Variants in CHCHD6 observed in about 807,000 individuals in gnomAD.
The protein encoded by CHCHD6 is MICOS complex subunit MIC25.
Under a neutral mutation model 32.3 loss-of-function variants are expected in CHCHD6, and 28 were observed. The ratio of observed to expected loss-of-function variants is 0.87; its 90% CI spans 0.64 to 1.19. The LOEUF (loss-of-function observed/expected upper bound fraction) is 1.19, where lower values mean the gene tolerates loss of function less well. Ranked by LOEUF, CHCHD6 falls within the 50% of genes most tolerant of loss-of-function variation. The pLI is 0.00. For missense variants in CHCHD6, 333 were observed against 307.0 expected (o/e 1.08, Z -0.63); for synonymous variants, 122 against 117.5 (o/e 1.04, Z -0.25).
At chr3:126,873,612 C>T (rs1310225660) in intron 5 of CHCHD6, among the ~76,000 whole-genome samples, 1 of 152,206 alleles carries the variant, frequency 6.6e-6, no homozygotes, top group African/African-American at 2.4e-5. Flanking sequence ...GTGATAAGAA[C>T]TTCTGCAGCT....
chr3:126,769,900 T>C (rs1275236090), intron 4 of CHCHD6, among the ~76,000 whole-genome samples: 1 of 152,230 alleles, frequency 6.6e-6, no homozygotes, highest in Non-Finnish European at 1.5e-5. Flanking sequence ...AGGAATAGCA[T>C]TGAATCTGTA....
At chr3:126,729,266 A>G (rs530199516) in intron 2 of CHCHD6, among the ~76,000 whole-genome samples, 3 of 152,326 alleles carry the variant, frequency 2.0e-5, no homozygotes, top group Non-Finnish European at 2.9e-5. Flanking sequence ...GTTCTTAAAG[A>G]TCTTTAAGAA....
chr3:126,914,563 C>A (rs537655658), intron 5 of CHCHD6, 117 bp from the exon 6 acceptor site: 26 of 709,750 alleles, frequency 3.7e-5, no homozygotes, highest in Non-Finnish European at 5.4e-5. Flanking sequence ...AATTACCAGT[C>A]GGCTTTGATG....
At chr3:126,766,396 C>T (rs1937371455) in intron 4 of CHCHD6, 3 of 535,620 alleles carry the variant, frequency 5.6e-6, no homozygotes, top group Admixed American at 2.7e-5. Flanking sequence ...GTGACAGCTG[C>T]CACGAGAGGT....
chr3:126,804,157 G>C (rs1939233501), intron 4 of CHCHD6, among the ~76,000 whole-genome samples: 1 of 152,026 alleles, frequency 6.6e-6, no homozygotes, highest in African/African-American at 2.4e-5. Flanking sequence ...AAAAGAACTA[G>C]AAAAGCAAGA....
chr3:126,911,129 C>T (rs1016225229), intron 5 of CHCHD6, among the ~76,000 whole-genome samples: 1 of 152,362 alleles, frequency 6.6e-6, no homozygotes, highest in South Asian at 2.1e-4. Context: ...CCCATGGTTT[C>T]TGCCAGGCTG....
intron 5 of CHCHD6, among the ~76,000 whole-genome samples, chr3:126,911,788 A>G (rs768220263): frequency 5.9e-5 from 9 of 152,330 alleles, no homozygotes; most frequent in East Asian, 1.9e-4. Flanking sequence ...CTGAGTGTCT[A>G]CTGAAGCCCA....
chr3:126,706,055 G>C (rs1934473327), intron 1 of CHCHD6, among the ~76,000 whole-genome samples: 1 of 152,168 alleles, frequency 6.6e-6, no homozygotes, highest in South Asian at 2.1e-4. Flanking sequence ...GGCCGAGAGG[G>C]AGGAACCTGA....
intron 4 of CHCHD6, among the ~76,000 whole-genome samples, chr3:126,750,484 A>G (rs1936681489): frequency 6.6e-6 from 1 of 152,256 alleles, no homozygotes; most frequent in Non-Finnish European, 1.5e-5. Flanking sequence ...ACAGAATCGG[A>G]GAGAAGTGCT....
chr3:126,761,348 C>G (rs961532747), intron 4 of CHCHD6, among the ~76,000 whole-genome samples: 1 of 152,200 alleles, frequency 6.6e-6, no homozygotes, highest in Non-Finnish European at 1.5e-5. Context: ...CTGTGTCTGT[C>G]TCTGTGTCCA....
intron 5 of CHCHD6, among the ~76,000 whole-genome samples, chr3:126,873,143 T>G (rs2077498445): frequency 1.3e-5 from 2 of 152,176 alleles, no homozygotes; most frequent in South Asian, 4.1e-4. Context: ...TGCAAAGTGT[T>G]TTCAGATATT....
chr3:126,792,262 TATAGA>T (rs1938585973), intron 4 of CHCHD6, among the ~76,000 whole-genome samples: 1 of 141,128 alleles, frequency 7.1e-6, no homozygotes, highest in Non-Finnish European at 1.5e-5. Context: ...TATATTCTAA[TATAGA>T]ATATATTAGA....
intron 4 of CHCHD6, among the ~76,000 whole-genome samples, chr3:126,756,740 A>G (rs1460530598): frequency 6.6e-6 from 1 of 152,198 alleles, no homozygotes; most frequent in Non-Finnish European, 1.5e-5. Context: ...TCTGTGCACC[A>G]TGCTCTGTTC....
intron 5 of CHCHD6, among the ~76,000 whole-genome samples, chr3:126,862,211 T>C (rs1368574121): frequency 1.3e-3 from 46 of 35,660 alleles, no homozygotes; most frequent in East Asian, 1.9e-3. Context: ...TCCTCCACCA[T>C]CATCACCACC....
intron 4 of CHCHD6, 37 bp from the exon 5 acceptor site, chr3:126,852,610 C>T (rs779400605): frequency 1.3e-6 from 2 of 1,515,194 alleles, no homozygotes; most frequent in Admixed American, 3.3e-5. Flanking sequence ...AGCACCATCG[C>T]TGCTGGCTAA....
At chr3:126,719,735 T>C (rs1174565842) in intron 1 of CHCHD6, among the ~76,000 whole-genome samples, 1 of 152,204 alleles carries the variant, frequency 6.6e-6, no homozygotes, top group Admixed American at 6.5e-5. Flanking sequence ...CTTTCAGTGC[T>C]GTTGCTCACT....
chr3:126,842,677 A>G (rs1278255941), intron 4 of CHCHD6, among the ~76,000 whole-genome samples: 1 of 152,156 alleles, frequency 6.6e-6, no homozygotes, highest in Non-Finnish European at 1.5e-5. Context: ...TGTATCACAC[A>G]TTTTTTTAAA....
chr3:126,716,054 C>T (rs1159048164), intron 1 of CHCHD6, among the ~76,000 whole-genome samples: 4 of 152,172 alleles, frequency 2.6e-5, no homozygotes, highest in African/African-American at 9.7e-5. Context: ...GGTGGTTTCC[C>T]TGCTACCAGC....
At chr3:126,899,780 G>A (rs1232411086) in intron 5 of CHCHD6, among the ~76,000 whole-genome samples, 7 of 152,210 alleles carry the variant, frequency 4.6e-5, no homozygotes, top group African/African-American at 1.2e-4. Context: ...CAGTGCAGCC[G>A]AGAGGAAAAC....
Sources: allele counts gnomAD v4.1 joint callset (sites outside exome capture counted in the v4.1 genomes callset), GRCh38; gene constraint gnomAD v4.1.1; transcripts MANE v1.5; gene names NCBI Gene and HGNC (gene_info 2026-07-23, HGNC 2026-07-21).